CUL5: variants seen among roughly 807,000 people sequenced by gnomAD.
The protein encoded by CUL5 is cullin-5.
CUL5 carries 26 observed loss-of-function variants against 108.8 expected under a neutral mutation model. The ratio of observed to expected loss-of-function variants is 0.24; its 90% confidence interval spans 0.18 to 0.33. The LOEUF (loss-of-function observed/expected upper bound fraction) is 0.33, where lower values mean the gene tolerates loss of function less well. CUL5 is among the 10% of genes least tolerant of loss of function. The pLI, the probability that CUL5 is intolerant of heterozygous loss-of-function variation, is 1.00. For synonymous variants in CUL5, 334 were observed against 298.0 expected, an observed-to-expected ratio of 1.12 and a Z score of -1.25; for missense variants, 524 against 909.2, an observed-to-expected ratio of 0.58 and a Z score of 5.45.
chr11:108,052,875 AAAGTT>A (rs1863270641), intron 5 of CUL5, 74 bp downstream of exon 5: 8 of 1,314,630 alleles, frequency 6.1e-6, no homozygotes, highest in Non-Finnish European at 8.2e-6. Flanking sequence ...TAGCACAATC[AAAGTT>A]AAGTTTATTG....
chr11:108,063,064 C>T (rs921369636), intron 7 of CUL5, among the ~76,000 whole-genome samples: 2 of 152,104 alleles, frequency 1.3e-5, no homozygotes, highest in Non-Finnish European at 2.9e-5. Context: ...AGGCTGGTCT[C>T]GAACTCCTGA....
intron 3 of CUL5, among the ~76,000 whole-genome samples, chr11:108,046,839 T>A (rs1863081076): frequency 6.6e-6 from 1 of 152,216 alleles, no homozygotes; most frequent in Non-Finnish European, 1.5e-5. Flanking sequence ...AAATCAAAAA[T>A]TTTGATCAAA....
chr11:108,027,511 A>C (rs893405763), intron 1 of CUL5, among the ~76,000 whole-genome samples: 3 of 152,054 alleles, frequency 2.0e-5, no homozygotes, highest in African/African-American at 7.2e-5. Flanking sequence ...ATGTCAAGTC[A>C]TCCACCCACC....
chr11:108,066,521 G>T (rs1433646035), intron 7 of CUL5, among the ~76,000 whole-genome samples: 1 of 151,154 alleles, frequency 6.6e-6, no homozygotes. Flanking sequence ...ATTCATTTTA[G>T]CAGTGTTTTC....
At chr11:108,041,083 C>T (rs1426330306) in intron 2 of CUL5, among the ~76,000 whole-genome samples, 1 of 152,088 alleles carries the variant, frequency 6.6e-6, no homozygotes, top group African/African-American at 2.4e-5. Flanking sequence ...TGATGGGTGA[C>T]TTTGGCTCCA....
intron 1 of CUL5, among the ~76,000 whole-genome samples, chr11:108,025,573 C>T (rs763511046): frequency 6.6e-6 from 1 of 152,172 alleles, no homozygotes; most frequent in Non-Finnish European, 1.5e-5. Flanking sequence ...TACCCAATGC[C>T]TGGCACTTTA....
At chr11:108,073,201 CAA>C (rs371051952) in intron 9 of CUL5, among the ~76,000 whole-genome samples, 187 bp from the exon 10 acceptor site, 16 of 100,276 alleles carry the variant, frequency 1.6e-4, no homozygotes, top group Admixed American at 4.5e-4. Flanking sequence ...GACTCCGTCT[CAA>C]AAAAAAAAAA....
chr11:108,036,174 G>A (rs1397771570), intron 2 of CUL5, among the ~76,000 whole-genome samples: 1 of 152,176 alleles, frequency 6.6e-6, no homozygotes, highest in East Asian at 1.9e-4. Flanking sequence ...TCCATCTGGA[G>A]ATTTCGTTTG....
At chr11:108,048,042 C>G (rs1429447408) in intron 3 of CUL5, among the ~76,000 whole-genome samples, 3 of 151,886 alleles carry the variant, frequency 2.0e-5, no homozygotes, top group African/African-American at 7.3e-5. Flanking sequence ...TAATTCTGAG[C>G]AGTTAATAGG....
intron 1 of CUL5, among the ~76,000 whole-genome samples, chr11:108,020,964 T>TA (rs1862313989): frequency 1.3e-5 from 2 of 152,212 alleles, no homozygotes; most frequent in Admixed American, 6.5e-5. Context: ...TACCATTTTT[T>TA]ATCTTTCATA....
At chr11:108,024,226 C>A (rs1179091020) in intron 1 of CUL5, among the ~76,000 whole-genome samples, 3 of 152,128 alleles carry the variant, frequency 2.0e-5, no homozygotes, top group African/African-American at 7.2e-5. Context: ...GACAAATAAT[C>A]TAACTTAATC....
chr11:108,096,463 G>A (rs1359162268), intron 16 of CUL5, among the ~76,000 whole-genome samples: 1 of 151,646 alleles, frequency 6.6e-6, no homozygotes, highest in Non-Finnish European at 1.5e-5. Context: ...TCCAGCCTGG[G>A]CAACATAGTG....
rs1864505032 is a variant in CUL5 at position 108,096,591 on chromosome 11, T to TG, written c.1905+901dup. Among the ~76,000 whole-genome samples, 4 of 87,710 alleles carry TG rather than the reference T, an allele frequency of 4.6e-5. No homozygotes were observed. The South Asian group carries it at 1.6e-3, about 35-fold the overall frequency. The allele number at this position is 87,710 out of a possible 152,430, so 57.5% of individuals were successfully genotyped here. On this transcript the variant is annotated intron_variant, in intron 16 of 18. Transcript: ENST00000393094. ...TTTTTTTTTTTTTTTTTTTTTTTTT[T>TG]GAGACACTCTTGTCGCTCAGGCTGG...
In CUL5 at chr11:108,102,947, C is replaced by T. The variant is rs1864707607; in HGVS notation, c.2149-1243C>T. Among the ~76,000 whole-genome samples, 3 of 151,312 alleles carry T rather than the reference C, an allele frequency of 2.0e-5. No homozygotes were observed. The South Asian group carries it at 6.3e-4, about 32-fold the overall frequency. The stretch of plus-strand genomic sequence containing the variant: ...AATAGCGGGGACCACAGACACACGC[C>T]ACCATGCCTGGCTAATTTTTGTATT... On this transcript the variant is annotated intron_variant, in intron 18 of 18. Coordinates refer to ENST00000393094, the MANE Select transcript of CUL5 (RefSeq NM_003478.6).
intron 11 of CUL5, among the ~76,000 whole-genome samples, chr11:108,080,582 G>A (rs1864054326): frequency 6.6e-6 from 1 of 152,130 alleles, no homozygotes; most frequent in Admixed American, 6.5e-5. Context: ...TTTTAGTAGA[G>A]ATGGAGTTTC....
intron 3 of CUL5, among the ~76,000 whole-genome samples, chr11:108,049,296 G>T (rs964452304): frequency 2.0e-5 from 3 of 150,234 alleles, no homozygotes; most frequent in African/African-American, 4.9e-5. Flanking sequence ...AATATCTATT[G>T]TTTGGATATA....
intron 7 of CUL5, among the ~76,000 whole-genome samples, chr11:108,064,782 A>G (rs1257759710): frequency 2.0e-5 from 3 of 152,114 alleles, no homozygotes; most frequent in Admixed American, 6.6e-5. Flanking sequence ...ATCAATATTC[A>G]TCAGTGATAT....
At chr11:108,094,598 C>A in intron 14 of CUL5, 84 bp downstream of exon 14, 1 of 913,372 alleles carries the variant, frequency 1.1e-6, no homozygotes, top group Non-Finnish European at 1.6e-6. Flanking sequence ...TAAACCTCAG[C>A]AGTAATAGAT....
At position 108,046,594 on chromosome 11, in the gene CUL5, G is replaced by T. The variant is rs533747761; in HGVS notation, c.234+225G>T. On this transcript the variant is annotated intron_variant, in intron 3 of 18. Coordinates refer to ENST00000393094, the MANE Select transcript of CUL5 (RefSeq NM_003478.6). ...GAGTACATATTATATTTAATTAAAAGATGCTATAGCGAATTCAGTTTTTTA... is the reference window on the plus strand; with the variant it reads ...GAGTACATATTATATTTAATTAAAATATGCTATAGCGAATTCAGTTTTTTA... 3 of 376,336 alleles carry T rather than the reference G, an allele frequency of 8.0e-6. No individual in the cohort carries two copies. In the Admixed American group the frequency reaches 1.3e-4, roughly 16 times the overall value. 23.3% of individuals were successfully genotyped at this position (376,336 alleles called of 1,614,324 possible). A position where few individuals can be genotyped will look rare whatever the true frequency, so the allele number is the denominator to read the frequency against.
Sources: allele counts gnomAD v4.1 joint callset (sites outside exome capture counted in the v4.1 genomes callset), GRCh38; gene constraint gnomAD v4.1.1; transcripts MANE v1.5; gene names NCBI Gene and HGNC (gene_info 2026-07-23, HGNC 2026-07-21).